CIDEB: variants seen among roughly 807,000 people sequenced by gnomAD.
CIDEB encodes the protein lipid transferase CIDEB.
A neutral mutation model predicts 22.4 loss-of-function variants in CIDEB; 27 were observed. The observed-to-expected ratio is 1.21, with a 90% confidence interval of 0.89 to 1.66. The LOEUF (loss-of-function observed/expected upper bound fraction) is 1.66, where lower values mean the gene tolerates loss of function less well. CIDEB is among the 40% of genes most tolerant of loss of function. The pLI, the probability that CIDEB is intolerant of heterozygous loss-of-function variation, is 0.00. For missense variants in CIDEB, 289 were observed against 268.7 expected (o/e 1.08, Z -0.53); for synonymous variants, 103 against 109.5 (o/e 0.94, Z 0.37).
chr14:24,307,107 A>C, intron 2 of CIDEB: 1 of 374,050 alleles, frequency 2.7e-6, no homozygotes, highest in East Asian at 4.3e-5. Context: ...TTTGTCACAC[A>C]AATCACCTTT....
Position 24,305,403 on chromosome 14 carries a change from T to G in CIDEB, c.*230A>C. 1.7e-6 allele frequency: 1 copy of G among 595,900 alleles called. No individual in the cohort carries two copies. The highest frequency in any genetic ancestry group is 2.8e-6 in the Non-Finnish European group (1 of 360,138). The allele number at this position is 595,900 out of a possible 1,614,324, so 36.9% of individuals were successfully genotyped here. On this transcript the variant is annotated 3_prime_UTR_variant, in exon 5 of 5. Transcript: ENST00000554411. ...CTTGATCTTGGCCTTTCAGGGCAAG[T>G]GGGAGGCCAGAAAGGTGGCTAGGAA...
chr14:24,307,247 T>C, intron 2 of CIDEB, 124 bp downstream of exon 2: 1 of 1,084,500 alleles, frequency 9.2e-7, no homozygotes, highest in Non-Finnish European at 1.3e-6. Context: ...TCCGCTGCTT[T>C]TAGCCCTCAG....
intron 3 of CIDEB, 75 bp from the exon 4 acceptor site, chr14:24,306,212 A>G (rs1024930072): frequency 6.7e-5 from 104 of 1,546,284 alleles, no homozygotes; most frequent in Non-Finnish European, 8.4e-5. Flanking sequence ...GCACTGGGTC[A>G]GACCCTCCCT....
At position 24,306,362 on chromosome 14, in the gene CIDEB, T is replaced by G; in HGVS notation, c.336+12A>C. ...ACAGGCATTGGAAGCAGCCCCAGTA[T>G]AGGCCTCTTACCCTTGTAGGGCTCC... On this transcript the variant is annotated intron_variant, in intron 3 of 4. Coordinates refer to ENST00000554411, the MANE Select transcript of CIDEB (RefSeq NM_001393339.1). 2 of 1,614,210 alleles carry G rather than the reference T, an allele frequency of 1.2e-6. No homozygotes were observed. Among genetic ancestry groups the G allele is most frequent in the Non-Finnish European group, 1.7e-6 (2 of 1,180,028 alleles).
In CIDEB at chr14:24,305,770, A is replaced by G. The variant is rs1173405335; in HGVS notation, c.528-5T>C. 4 of 1,613,078 alleles carry G rather than the reference A, an allele frequency of 2.5e-6. No individual in the cohort carries two copies. The highest frequency in any genetic ancestry group is 2.5e-6 in the Non-Finnish European group (3 of 1,179,592). ...GAGGTCCAACGAAGGAGCTCCCTGA[A>G]TGGCAGAGACAAGAGGAAATCAGAT... On this transcript the variant is annotated splice_polypyrimidine_tract_variant and splice_region_variant and intron_variant, in intron 4 of 4. Coordinates refer to ENST00000554411, the MANE Select transcript of CIDEB (RefSeq NM_001393339.1).
Position 24,305,671 on chromosome 14 carries a change from C to G in CIDEB, c.622G>C (p.Glu208Gln). 6.2e-7 allele frequency: 1 copy of G among 1,614,208 alleles called. No homozygotes were observed. The highest frequency in any genetic ancestry group is 8.5e-7 in the Non-Finnish European group (1 of 1,180,032). Residue 208 changes from glutamate (E) to glutamine (Q), a missense_variant, in exon 5 of 5, where the codon GAG becomes CAG. Coordinates refer to ENST00000554411, the MANE Select transcript of CIDEB (RefSeq NM_001393339.1). ...AGGCGGCCCTTCTGCTGCCACTGCT[C>G]AGCCCCCTCCACTGCATGACGAAGG... ...STLRHAVEGAEQWQQKGRLHS... is the reference protein window; with the variant it reads ...STLRHAVEGAQQWQQKGRLHS...
upstream of CIDEB, chr14:24,311,157 G>T (rs2041688769): frequency 2.5e-6 from 4 of 1,602,886 alleles, no homozygotes; most frequent in Non-Finnish European, 3.4e-6. Flanking sequence ...CCTGTGGAGG[G>T]ACCGCGTATG....
At chr14:24,308,236 C>CT, upstream of CIDEB, 2 of 290,336 alleles carry the variant, frequency 6.9e-6, no homozygotes, top group South Asian at 3.4e-5. Flanking sequence ...CTCTCAGGCT[C>CT]TGAGAAGCTG....
In CIDEB at chr14:24,307,454, G is replaced by A. The variant is rs534959384; in HGVS notation, c.103C>T (p.Gln35Ter). ...RRVWTSAPPP[Q>*]RPFRVCDHKR... ...TGATCACAGACACGGAAAGGTCGCT[G>A]GGGTGGTGGAGCTGAGGTCCAGACC... is the stretch of plus-strand genomic sequence containing the variant. Residue 35 changes from glutamine (Q) to a stop codon, truncating the protein, a stop_gained, in exon 2 of 5, where the codon CAG (glutamine) becomes TAG (stop). Coordinates refer to ENST00000554411, the MANE Select transcript of CIDEB (RefSeq NM_001393339.1). LOFTEE classifies it high-confidence loss of function. The A allele has an allele frequency of 8.1e-6, 13 of 1,613,988 alleles. No homozygotes were observed. The highest frequency in any genetic ancestry group is 1.1e-5 in the South Asian group (1 of 91,088).
intron 2 of CIDEB, 170 bp downstream of exon 2, chr14:24,307,201 A>C (rs2041538154): frequency 3.0e-6 from 2 of 660,568 alleles, no homozygotes; most frequent in Non-Finnish European, 5.0e-6. Context: ...CACTCGGTGG[A>C]AAATGAACAA....
Position 24,307,798 on chromosome 14 carries a change from A to G in CIDEB, c.41+20T>C, listed in dbSNP as rs189519586. On this transcript the variant is annotated intron_variant, in intron 1 of 4. Coordinates refer to ENST00000554411, the MANE Select transcript of CIDEB (RefSeq NM_001393339.1). ...TATATCCCCTAAAGGTGGAGGGTAGAGCGGAGGGTTAGCAGTCACCTGAGT... is the reference window on the plus strand; with the variant it reads ...TATATCCCCTAAAGGTGGAGGGTAGGGCGGAGGGTTAGCAGTCACCTGAGT... 245 of 1,587,634 alleles carry G rather than the reference A, an allele frequency of 1.5e-4. 1 individual carries two copies. In the African/African-American group the frequency reaches 3.2e-3, roughly 20 times the overall value.
At position 24,306,469 on chromosome 14, in the gene CIDEB, C is replaced by G; in HGVS notation, c.241G>C (p.Gly81Arg). 1 of 1,614,240 alleles carries G rather than the reference C, an allele frequency of 6.2e-7. No individual in the cohort carries two copies. The highest frequency in any genetic ancestry group is 8.5e-7 in the Non-Finnish European group (1 of 1,180,042). The change falls in exon 3 of 5, where the codon GGA (glycine) becomes CGA (arginine). Residue 81 changes from glycine (G) to arginine (R), a missense_variant. Gly to Arg is a moderately radical substitution (Grantham distance 125, BLOSUM62 -2). Coordinates refer to ENST00000554411, the MANE Select transcript of CIDEB (RefSeq NM_001393339.1). ...AAGTCCTCACTGTCCACTGCAGTTCCATCCTCCTCTAGCACCAGGGTTAGC... is the reference window on the plus strand; with the variant it reads ...AAGTCCTCACTGTCCACTGCAGTTCGATCCTCCTCTAGCACCAGGGTTAGC... ...GVLTLVLEED[G>R]TAVDSEDFFQ...
At chr14:24,311,410 T>C, upstream of CIDEB, 1 of 1,601,516 alleles carries the variant, frequency 6.2e-7, no homozygotes, top group South Asian at 1.1e-5. Context: ...CTGCAGGCGG[T>C]CGCAGCGCTG....
upstream of CIDEB, chr14:24,309,641 G>GCAT (rs779073056): frequency 6.6e-6 from 1 of 152,224 alleles, no homozygotes; most frequent in Non-Finnish European, 1.5e-5. Context: ...ATGCCTCCAT[G>GCAT]CATCCCCTGT....
chr14:24,310,386 G>A (rs750547440), upstream of CIDEB: 3 of 617,932 alleles, frequency 4.9e-6, no homozygotes, highest in Non-Finnish European at 8.6e-6. Flanking sequence ...AGCCTGGGGT[G>A]ATGACTTTAT....
At chr14:24,311,199 G>A (rs1334784733), upstream of CIDEB, 3 of 1,608,182 alleles carry the variant, frequency 1.9e-6, no homozygotes, top group African/African-American at 2.7e-5. Flanking sequence ...GGTCCACGCC[G>A]CCGCCCACCT....
upstream of CIDEB, chr14:24,308,240 G>T (rs528201342): frequency 3.4e-6 from 1 of 291,038 alleles, no homozygotes; most frequent in Admixed American, 5.0e-5. Context: ...CAGGCTCTGA[G>T]AAGCTGCAGT....
rs1366130591 is a variant in CIDEB, at chr14:24,305,444, A to G, written c.*189T>C. ...TGGCTAGGAAAGAACAGCATTCTTC[A>G]GGTAAGGGTATAGACTTGGGATGTG... On this transcript the variant is annotated 3_prime_UTR_variant, in exon 5 of 5. Transcript: ENST00000554411. 4 of 675,520 alleles carry G rather than the reference A, an allele frequency of 5.9e-6. No homozygotes were observed. The highest frequency in any genetic ancestry group is 9.4e-6 in the Non-Finnish European group (4 of 423,566). The allele number at this position is 675,520 out of a possible 1,614,324, so 41.8% of individuals were successfully genotyped here. A position where few individuals can be genotyped will look rare whatever the true frequency, so the allele number is the denominator to read the frequency against.
chr14:24,310,467 C>T, upstream of CIDEB: 2 of 708,304 alleles, frequency 2.8e-6, no homozygotes, highest in East Asian at 2.7e-5. Context: ...AGCAGGGGAT[C>T]TGGGTTCCAA....
Sources: allele counts gnomAD v4.1 joint callset, GRCh38; gene constraint gnomAD v4.1.1; transcripts MANE v1.5; gene names NCBI Gene and HGNC (gene_info 2026-07-23, HGNC 2026-07-21).